Variants in SPNS3 observed in about 807,000 individuals in gnomAD.
SPNS3 encodes SPNS lysolipid transporter 3, sphingosine-1-phosphate (putative), also known as protein spinster homolog 3.
SPNS3 carries 51 observed loss-of-function variants against 54.4 expected under a neutral mutation model. That is an observed-to-expected ratio of 0.94 (90% CI 0.75 to 1.18). SPNS3 has a LOEUF of 1.18. Ranked by LOEUF, SPNS3 falls within the 50% of genes most tolerant of loss-of-function variation. The pLI is 0.00. For missense variants in SPNS3, 669 were observed against 677.4 expected (o/e 0.99, Z 0.14); for synonymous variants, 309 against 294.7 (o/e 1.05, Z -0.50).
At position 4,448,320 on chromosome 17, in the gene SPNS3, C is replaced by A. The variant is rs567810323; in HGVS notation, c.770+17C>A. 3.3e-6 allele frequency: 5 copies of A among 1,522,960 alleles called. No individual in the cohort carries two copies. The East Asian group carries it at 7.4e-5, about 22-fold the overall frequency. The allele number at this position is 1,522,960 out of a possible 1,614,324, so 94.3% of individuals were successfully genotyped here. ...GGGGAAAAAGTGAGTATCCCTGCTA[C>A]CCCCTGCAAGGCACAGAAAAGCCCG... is the stretch of plus-strand genomic sequence containing the variant. On this transcript the variant is annotated intron_variant, in intron 6 of 11. Coordinates refer to ENST00000355530, the MANE Select transcript of SPNS3 (RefSeq NM_182538.5).
intron 5 of SPNS3, 106 bp downstream of exon 5, chr17:4,447,068 G>A (rs1047694981): frequency 7.4e-6 from 8 of 1,085,378 alleles, no homozygotes; most frequent in African/African-American, 6.7e-5. Flanking sequence ...GCGCCATTAG[G>A]GGGACGGGGG....
chr17:4,468,747 T>TTCTG (rs1971760487), intron 8 of SPNS3, among the ~76,000 whole-genome samples: 1 of 142,880 alleles, frequency 7.0e-6, no homozygotes, highest in African/African-American at 2.9e-5. Context: ...CTTTCTTTCT[T>TTCTG]TCTTTCTTTC....
At chr17:4,468,737 C>CT (rs1555531878) in intron 8 of SPNS3, among the ~76,000 whole-genome samples, 1 of 140,550 alleles carries the variant, frequency 7.1e-6, no homozygotes, top group African/African-American at 2.9e-5. Flanking sequence ...TTCTTTCTTT[C>CT]TTTCTTTCTT....
intron 8 of SPNS3, among the ~76,000 whole-genome samples, chr17:4,470,792 T>C (rs1971834355): frequency 6.6e-6 from 1 of 152,232 alleles, no homozygotes; most frequent in African/African-American, 2.4e-5. Flanking sequence ...ACTGTGGACT[T>C]ATTGATGAAT....
At chr17:4,436,126 G>T (rs548046174) in intron 1 of SPNS3, among the ~76,000 whole-genome samples, 2 of 152,330 alleles carry the variant, frequency 1.3e-5, no homozygotes, top group African/African-American at 4.8e-5. Context: ...AGAGATAGAG[G>T]CTGGTTGATG....
intron 1 of SPNS3, among the ~76,000 whole-genome samples, chr17:4,435,704 G>C (rs1294104263): frequency 4.6e-5 from 7 of 152,174 alleles, no homozygotes; most frequent in Non-Finnish European, 7.4e-5. Flanking sequence ...CTTCTTGCAG[G>C]CTTCAGGGCT....
At chr17:4,450,562 C>T (rs35524831) in intron 7 of SPNS3, among the ~76,000 whole-genome samples, 71,278 of 151,382 alleles carry the variant, frequency 0.47, 17,171 homozygotes, top group Middle Eastern at 0.55. Context: ...CACAGGCACA[C>T]GCCACCATGC....
chr17:4,441,119 C>G (rs1390135067), intron 2 of SPNS3, among the ~76,000 whole-genome samples: 5 of 152,154 alleles, frequency 3.3e-5, no homozygotes, highest in Admixed American at 6.5e-5. Flanking sequence ...AAAAAATACA[C>G]AACAACGCTG....
chr17:4,465,130 G>A (rs374375859), intron 8 of SPNS3, among the ~76,000 whole-genome samples: 85 of 152,342 alleles, frequency 5.6e-4, no homozygotes, highest in African/African-American at 1.7e-3. Flanking sequence ...AGCTAGGCTG[G>A]ATAAGGGTGA....
chr17:4,472,774 C>CATTT (rs1567572187), intron 8 of SPNS3, among the ~76,000 whole-genome samples: 1 of 50,940 alleles, frequency 2.0e-5, no homozygotes, highest in African/African-American at 8.9e-5. Flanking sequence ...GCTTGGCAGC[C>CATTT]TTTTTTTTTT....
chr17:4,457,312 AG>A (rs1971341046), intron 8 of SPNS3, among the ~76,000 whole-genome samples: 1 of 152,178 alleles, frequency 6.6e-6, no homozygotes, highest in Non-Finnish European at 1.5e-5. Context: ...GAATTGTTTG[AG>A]CCCCAGTGAT....
chr17:4,450,814 G>A (rs1971144458), intron 7 of SPNS3, among the ~76,000 whole-genome samples: 1 of 147,958 alleles, frequency 6.8e-6, no homozygotes, highest in Non-Finnish European at 1.5e-5. Flanking sequence ...CACCATGTTG[G>A]GCAGGCTGGT....
intron 8 of SPNS3, among the ~76,000 whole-genome samples, chr17:4,456,481 C>G (rs1423537168): frequency 6.6e-6 from 1 of 152,178 alleles, no homozygotes; most frequent in Non-Finnish European, 1.5e-5. Flanking sequence ...ATTTAGTCCT[C>G]ACGACTGACA....
intron 8 of SPNS3, among the ~76,000 whole-genome samples, chr17:4,456,311 G>C (rs1597319614): frequency 6.6e-6 from 1 of 152,070 alleles, no homozygotes; most frequent in African/African-American, 2.4e-5. Flanking sequence ...AAGCAGTGGG[G>C]GGCCAAATGG....
rs1413694695 is a variant in SPNS3 at position 4,458,588 on chromosome 17, C to CCTTCCTTCCTTCCTTTCTTTCTTT, written c.1113+5386_1113+5387insCCTTCCTTCCTTTCTTTCTTTCTT. ...TCCCTCCTTTCTTTCTTCCTTCCCT[C>CCTTCCTTCCTTCCTTTCTTTCTTT]CTTTCTTTCTTTCTTTCTTTCTTTC... On this transcript the variant is annotated intron_variant, in intron 8 of 11. Transcript: ENST00000355530. Among the ~76,000 whole-genome samples the CCTTCCTTCCTTCCTTTCTTTCTTT allele has an allele frequency of 2.0e-4, 12 of 59,330 alleles. 2 individuals carry two copies. The highest frequency in any genetic ancestry group is 6.7e-4 in the African/African-American group (11 of 16,452). The allele number at this position is 59,330 out of a possible 152,430, so 38.9% of individuals were successfully genotyped here.
rs753111287 is a variant in SPNS3, at chr17:4,448,216, C to G, written c.683C>G (p.Pro228Arg). 8 of 1,603,818 alleles carry G rather than the reference C, an allele frequency of 5.0e-6. No homozygotes were observed. The highest frequency in any genetic ancestry group is 6.8e-6 in the Non-Finnish European group (8 of 1,175,454). Residue 228 changes from proline (P) to arginine (R), a missense_variant, in exon 6 of 12, where the codon CCC (proline) becomes CGC (arginine). Transcript: ENST00000355530. ...ILLILLVPDP[P>R]RGAAETQGEG... The stretch of plus-strand genomic sequence containing the variant: ...CTTATCCTGCTGGTTCCAGACCCAC[C>G]CCGGGGAGCTGCCGAGACACAGGGG...
chr17:4,468,523 G>T (rs1971746438), intron 8 of SPNS3, among the ~76,000 whole-genome samples: 2 of 151,896 alleles, frequency 1.3e-5, no homozygotes, highest in African/African-American at 4.8e-5. Flanking sequence ...CAAGGTTTTT[G>T]CCCTGAGCAG....
In SPNS3 at chr17:4,453,049, C is replaced by T. The variant is rs775638578; in HGVS notation, c.957C>T (p.Gly319=). The T allele has an allele frequency of 3.0e-5, 49 of 1,613,800 alleles. No homozygotes were observed. The highest frequency in any genetic ancestry group is 3.4e-5 in the Non-Finnish European group (40 of 1,179,874). The change falls in exon 8 of 12, where the codon GGC becomes GGT. Residue 319 remains glycine, a synonymous_variant. Coordinates refer to ENST00000355530, the MANE Select transcript of SPNS3 (RefSeq NM_182538.5). ...TTGGGGCACTGACCATCATGACCGG[C>T]GTCATTGGGGTCATCTTGGGGGCAG... ...LIFGALTIMT[G]VIGVILGAEA...
At chr17:4,445,001 G>GA in intron 2 of SPNS3, 31 bp from the exon 3 acceptor site, 2 of 1,603,980 alleles carry the variant, frequency 1.2e-6, no homozygotes, top group Non-Finnish European at 1.7e-6. Context: ...GTCGTGGGGG[G>GA]ATCCAGGCTG....
Sources: allele counts gnomAD v4.1 joint callset (sites outside exome capture counted in the v4.1 genomes callset), GRCh38; gene constraint gnomAD v4.1.1; transcripts MANE v1.5; gene names NCBI Gene and HGNC (gene_info 2026-07-23, HGNC 2026-07-21).